CROCC2: variants seen among roughly 807,000 people sequenced by gnomAD.
CROCC2 encodes the protein ciliary rootlet coiled-coil protein 2.
A neutral mutation model predicts 177.6 loss-of-function variants in CROCC2; 163 were observed. That is an observed-to-expected ratio of 0.92 (90% CI 0.81 to 1.05). CROCC2 has a LOEUF of 1.05. Among genes scored for constraint, CROCC2 ranks in the 50% least tolerant of loss-of-function variants. The probability of loss-of-function intolerance (pLI) is 0.00; values close to 1 mark genes in which losing one functional copy is unlikely to be tolerated. For missense variants in CROCC2, 1,929 were observed against 1,797.8 expected (o/e 1.07, Z -1.32); for synonymous variants, 904 against 787.3 (o/e 1.15, Z -2.48).
At chr2:240,919,112 G>A (rs1332983341) in intron 2 of CROCC2, among the ~76,000 whole-genome samples, 2 of 147,040 alleles carry the variant, frequency 1.4e-5, no homozygotes, top group African/African-American at 5.0e-5. Context: ...ACGGTCCTGG[G>A]CCCGCGGCTG....
At chr2:240,939,924 T>A (rs1187728683) in intron 14 of CROCC2, among the ~76,000 whole-genome samples, 1 of 152,222 alleles carries the variant, frequency 6.6e-6, no homozygotes, top group Non-Finnish European at 1.5e-5. Flanking sequence ...ATTATTTGAA[T>A]GGATTTAAAT....
intron 20 of CROCC2, 104 bp downstream of exon 20, chr2:240,959,548 CT>C: frequency 7.2e-7 from 1 of 1,393,886 alleles, no homozygotes. Flanking sequence ...GAAAGAGAGG[CT>C]GTACCACAGA....
At chr2:240,992,623 GTGAC>G (rs2059887779) in intron 31 of CROCC2, among the ~76,000 whole-genome samples, 1 of 152,252 alleles carries the variant, frequency 6.6e-6, no homozygotes, top group Admixed American at 6.5e-5. Context: ...GAAGAGCTTG[GTGAC>G]CCATGAGTGG....
At chr2:240,914,010 CG>C (rs2059303390) in intron 1 of CROCC2, among the ~76,000 whole-genome samples, 1 of 152,216 alleles carries the variant, frequency 6.6e-6, no homozygotes, top group Admixed American at 6.5e-5. Context: ...ATGGAGGGCC[CG>C]GGAGAGAAAG....
At chr2:240,916,810 G>T (rs989372234) in intron 1 of CROCC2, among the ~76,000 whole-genome samples, 3 of 152,238 alleles carry the variant, frequency 2.0e-5, no homozygotes, top group Non-Finnish European at 4.4e-5. Context: ...CAGTCTGGGG[G>T]ATTGAGCGGA....
At chr2:240,933,522 G>C in intron 10 of CROCC2, 148 bp from the exon 11 acceptor site, 3 of 1,116,042 alleles carry the variant, frequency 2.7e-6, no homozygotes, top group South Asian at 1.6e-5. Flanking sequence ...GGACACACCC[G>C]CCAGTGAGAC....
intron 28 of CROCC2, among the ~76,000 whole-genome samples, chr2:240,984,568 A>T (rs2059823469): frequency 1.2e-5 from 1 of 81,408 alleles, no homozygotes; most frequent in Non-Finnish European, 2.3e-5. Context: ...ACACCCAGGC[A>T]CTCACTCCAC....
intron 27 of CROCC2, among the ~76,000 whole-genome samples, chr2:240,968,918 C>A (rs1055571520): frequency 2.6e-5 from 4 of 152,158 alleles, no homozygotes; most frequent in Non-Finnish European, 2.9e-5. Context: ...GCCAGCCCAG[C>A]CCCACAGGTC....
intron 27 of CROCC2, among the ~76,000 whole-genome samples, chr2:240,975,874 C>T (rs1001605896): frequency 1.4e-4 from 22 of 152,000 alleles, no homozygotes; most frequent in East Asian, 3.9e-4. Flanking sequence ...AGATTACAGG[C>T]GCCCGCCACC....
Position 240,931,072 on chromosome 2 carries a change from G to A in CROCC2, c.891G>A (p.Gly297=), listed in dbSNP as rs761108983. The A allele has an allele frequency of 8.4e-6, 6 of 716,176 alleles. No homozygotes were observed. The South Asian group carries it at 8.9e-5, about 11-fold the overall frequency. 44.4% of individuals were successfully genotyped at this position (716,176 alleles called of 1,614,324 possible). A position where few individuals can be genotyped will look rare whatever the true frequency, so the allele number is the denominator to read the frequency against. ...GGCAGCAGCTTCGGGACAAGGCTGG[G>A]GAGATGCTGCAGCTGCAGGGCCGCT... ...TLGQQLRDKA[G]EMLQLQGRWD... is the part of the protein sequence containing the mutation. The change falls in exon 7 of 32, where the codon GGG becomes GGA. Residue 297 remains glycine, a synonymous_variant. Transcript: ENST00000690015.
chr2:240,986,951 C>CCG (rs1159634062), intron 28 of CROCC2, among the ~76,000 whole-genome samples: 2 of 152,218 alleles, frequency 1.3e-5, no homozygotes, highest in African/African-American at 4.8e-5. Context: ...GCAGAAGGCC[C>CCG]CGCAGCCCAG....
Position 240,933,349 on chromosome 2 carries a change from G to A in CROCC2, c.1463+7G>A. On this transcript the variant is annotated splice_region_variant and intron_variant, in intron 10 of 31. Transcript: ENST00000690015. The stretch of plus-strand genomic sequence containing the variant: ...CCTGCAAGCTCCTGGGGAGGTAATG[G>A]GGTGAAGGGGTTGCACGGCCTTGCA... 2.0e-6 allele frequency: 3 copies of A among 1,504,514 alleles called. No individual in the cohort carries two copies. Among genetic ancestry groups the A allele is most frequent in the Non-Finnish European group, 2.7e-6 (3 of 1,129,748 alleles). The allele number at this position is 1,504,514 out of a possible 1,614,324, so 93.2% of individuals were successfully genotyped here. A position where few individuals can be genotyped will look rare whatever the true frequency, so the allele number is the denominator to read the frequency against.
At position 240,958,732 on chromosome 2, in the gene CROCC2, C is replaced by G. The variant is rs553250652; in HGVS notation, c.2944-569C>G. The G allele has an allele frequency of 3.1e-6, 1 of 321,828 alleles. No homozygotes were observed. The highest frequency in any genetic ancestry group is 1.2e-4 in the South Asian group (1 of 8,326). 19.9% of individuals were successfully genotyped at this position (321,828 alleles called of 1,614,324 possible). A position where few individuals can be genotyped will look rare whatever the true frequency, so the allele number is the denominator to read the frequency against. On this transcript the variant is annotated intron_variant, in intron 19 of 31. Coordinates refer to ENST00000690015, the MANE Select transcript of CROCC2 (RefSeq NM_001351305.2). This position sits in a 1 kb window ranked among gnomAD's most constrained non-coding sequence, Gnocchi z 6.7. ...CCCTGAGCCCCATCTGCCCTGCTGC[C>G]GCAACCTGGGCAGGGGTGCAGTGGG...
At chr2:240,929,797 C>A in intron 5 of CROCC2, 1 of 487,516 alleles carries the variant, frequency 2.1e-6, no homozygotes, top group Admixed American at 2.3e-5. Context: ...CCAGCAGGGG[C>A]CAGGCCTGGT....
intron 28 of CROCC2, chr2:240,983,515 G>C (rs2106491014): frequency 8.0e-7 from 1 of 1,249,622 alleles, no homozygotes; most frequent in Admixed American, 2.7e-5. Context: ...AGACGGCGGC[G>C]CTGCGCACCG....
Position 240,966,424 on chromosome 2 carries a change from G to T in CROCC2, c.4146+15G>T. The T allele has an allele frequency of 2.5e-6, 1 of 400,624 alleles. No individual in the cohort carries two copies. The highest frequency in any genetic ancestry group is 3.7e-4 in the Middle Eastern group (1 of 2,704). The allele number at this position is 400,624 out of a possible 1,614,324, so 24.8% of individuals were successfully genotyped here. A position where few individuals can be genotyped will look rare whatever the true frequency, so the allele number is the denominator to read the frequency against. ...AGCGGGAGCGGGTAATGGGGGCTGG[G>T]GTCCTCCCGCCCACGGCGGCACCCC... is the stretch of plus-strand genomic sequence containing the variant. On this transcript the variant is annotated intron_variant, in intron 25 of 31. Coordinates refer to ENST00000690015, the MANE Select transcript of CROCC2 (RefSeq NM_001351305.2).
chr2:240,930,931 G>T lies in CROCC2; in HGVS notation c.750G>T (p.Arg250Ser). Reference protein sequence around the residue: ...DLAELRVATERGLADLQADTA... With the variant: ...DLAELRVATESGLADLQADTA... ...CACAGATGCTGCCCTTGTCTCCCAG[G>T]GGCCTCGCTGACCTGCAGGCAGACA... The change falls in exon 7 of 32, where the codon AGG becomes AGT. Residue 250 changes from arginine (R) to serine (S), a missense_variant and splice_region_variant. This residue lies in a region of CROCC2 where 1,397 missense variants were observed against 1,239.9 expected (regional missense o/e 1.13). Coordinates refer to ENST00000690015, the MANE Select transcript of CROCC2 (RefSeq NM_001351305.2). 1 of 708,448 alleles carries T rather than the reference G, an allele frequency of 1.4e-6. No homozygotes were observed. The allele number at this position is 708,448 out of a possible 1,614,324, so 43.9% of individuals were successfully genotyped here.
In CROCC2 at chr2:240,941,998, A is replaced by T. The variant is rs1392769072; in HGVS notation, c.2170-4062A>T. ...ATTCTTCTCATCCGGAAAATGCAGC[A>T]TCAAGGCACAGCCTTGGAAGCAGAG... On this transcript the variant is annotated intron_variant, in intron 14 of 31. Coordinates refer to ENST00000690015, the MANE Select transcript of CROCC2 (RefSeq NM_001351305.2). Among the ~76,000 whole-genome samples, 5 of 152,270 alleles carry T rather than the reference A, an allele frequency of 3.3e-5. No homozygotes were observed. In the East Asian group the frequency reaches 7.7e-4, roughly 23 times the overall value.
intron 14 of CROCC2, among the ~76,000 whole-genome samples, chr2:240,941,779 G>A (rs954599241): frequency 3.3e-5 from 5 of 152,212 alleles, no homozygotes; most frequent in South Asian, 4.1e-4. Context: ...GCTATGTTTC[G>A]AATGTGTCCC....
Sources: allele counts gnomAD v4.1 joint callset (sites outside exome capture counted in the v4.1 genomes callset), GRCh38; gene constraint gnomAD v4.1.1; regional missense constraint gnomAD v4.1.1; non-coding constraint Gnocchi (gnomAD v3.1); transcripts MANE v1.5; gene names NCBI Gene and HGNC (gene_info 2026-07-23, HGNC 2026-07-21).